RAPGEF2: variants seen among roughly 807,000 people sequenced by gnomAD.
The protein encoded by RAPGEF2 is PDZ domain containing guanine nucleotide exchange factor (GEF) 1.
Under a neutral mutation model 186.7 loss-of-function variants are expected in RAPGEF2, and 54 were observed. That is an observed-to-expected ratio of 0.29 (90% CI 0.23 to 0.36). The LOEUF is 0.36. RAPGEF2 is among the 10% of genes least tolerant of loss of function. The pLI is 1.00. For missense variants in RAPGEF2, 1,532 were observed against 2,045.0 expected, an observed-to-expected ratio of 0.75 and a Z score of 4.84; for synonymous variants, 712 against 705.9, an observed-to-expected ratio of 1.01 and a Z score of -0.14.
At chr4:159,147,372 C>T (rs539648196) in intron 1 of RAPGEF2, among the ~76,000 whole-genome samples, 2 of 145,630 alleles carry the variant, frequency 1.4e-5, no homozygotes, top group East Asian at 4.0e-4. Flanking sequence ...ACAAAAATAC[C>T]TTTTTTTTTT....
At chr4:159,217,199 G>T (rs1751070168) in intron 4 of RAPGEF2, among the ~76,000 whole-genome samples, 1 of 151,982 alleles carries the variant, frequency 6.6e-6, no homozygotes, top group Non-Finnish European at 1.5e-5. Flanking sequence ...AGATTTAGGG[G>T]GTACACGTGC....
chr4:159,114,119 ATTT>A (rs772011656), intron 1 of RAPGEF2, among the ~76,000 whole-genome samples: 1 of 136,884 alleles, frequency 7.3e-6, no homozygotes, highest in Admixed American at 7.3e-5. Context: ...TACCTGGCTA[ATTT>A]TTTTTTTTTT....
rs186818536 is a variant in RAPGEF2 at position 159,114,388 on chromosome 4, C to T, written c.69+10157C>T. On this transcript the variant is annotated intron_variant, in intron 1 of 29. Coordinates refer to ENST00000691494, the MANE Select transcript of RAPGEF2 (RefSeq NM_001394067.2). ...AAGTGCTGGGATTACAGGCGTGAGC[C>T]ACTGCGCCCGGCCCTAATTTTTGCA... Among the ~76,000 whole-genome samples the T allele has an allele frequency of 1.1e-4, 17 of 152,206 alleles. 1 individual carries two copies. Among genetic ancestry groups the T allele is most frequent in the Admixed American group, 1.1e-3 (17 of 15,288 alleles).
At chr4:159,335,586 G>A (rs960527012) in intron 17 of RAPGEF2, among the ~76,000 whole-genome samples, 6 of 152,040 alleles carry the variant, frequency 3.9e-5, no homozygotes, top group African/African-American at 1.4e-4. Flanking sequence ...GGTGGCTCAC[G>A]CTTGTAATCC....
intron 7 of RAPGEF2, among the ~76,000 whole-genome samples, chr4:159,284,534 A>G (rs930803759): frequency 1.4e-5 from 2 of 139,876 alleles, no homozygotes. Context: ...ACACACACAC[A>G]CGAATTGTAA....
intron 6 of RAPGEF2, 123 bp from the exon 7 acceptor site, chr4:159,243,651 A>T (rs1029013313): frequency 3.3e-6 from 2 of 602,328 alleles, no homozygotes; most frequent in African/African-American, 1.9e-5. Context: ...AGCTGATTCT[A>T]TATGATCATT....
intron 5 of RAPGEF2, among the ~76,000 whole-genome samples, chr4:159,240,728 C>G (rs537417348): frequency 6.6e-6 from 1 of 151,058 alleles, no homozygotes; most frequent in Admixed American, 6.6e-5. Flanking sequence ...GAAACCCTTG[C>G]GTAACCTACC....
intron 7 of RAPGEF2, among the ~76,000 whole-genome samples, chr4:159,292,624 A>T: frequency 6.6e-6 from 1 of 152,074 alleles, no homozygotes; most frequent in Non-Finnish European, 1.5e-5. Flanking sequence ...CTATTTTTTT[A>T]AAAGACTATA....
At chr4:159,345,073 A>G (rs1237042292) in intron 23 of RAPGEF2, 33 bp from the exon 24 acceptor site, 1 of 1,546,054 alleles carries the variant, frequency 6.5e-7, no homozygotes, top group Non-Finnish European at 8.9e-7. Flanking sequence ...CCCATGCTAG[A>G]GTGAGCTGCA....
At chr4:159,278,646 G>T (rs1759254064) in intron 7 of RAPGEF2, among the ~76,000 whole-genome samples, 1 of 152,142 alleles carries the variant, frequency 6.6e-6, no homozygotes. Context: ...AAAGAGAAGG[G>T]ATTAGTAAGA....
chr4:159,241,438 A>C, intron 6 of RAPGEF2, 70 bp downstream of exon 6: 1 of 1,033,856 alleles, frequency 9.7e-7, no homozygotes, highest in Non-Finnish European at 1.2e-6. Context: ...AAAGATGTTT[A>C]AGTTTTCCAT....
At chr4:159,348,359 C>G (rs1478441266) in intron 25 of RAPGEF2, among the ~76,000 whole-genome samples, 1 of 151,970 alleles carries the variant, frequency 6.6e-6, no homozygotes, top group Admixed American at 6.6e-5. Flanking sequence ...TAACTAAGTC[C>G]CTGCACAGTT....
intron 1 of RAPGEF2, among the ~76,000 whole-genome samples, chr4:159,113,440 C>A (rs2111069697): frequency 6.6e-6 from 1 of 152,056 alleles, no homozygotes; most frequent in Admixed American, 6.6e-5. Context: ...CAAATTATTA[C>A]TTTTTAAGAC....
intron 1 of RAPGEF2, among the ~76,000 whole-genome samples, chr4:159,131,252 A>T (rs1014043389): frequency 6.6e-6 from 1 of 152,146 alleles, no homozygotes; most frequent in Admixed American, 6.5e-5. Context: ...CTGGGATTAC[A>T]GGCATATGCC....
At chr4:159,278,765 A>G (rs1257822547) in intron 7 of RAPGEF2, among the ~76,000 whole-genome samples, 1 of 152,216 alleles carries the variant, frequency 6.6e-6, no homozygotes, top group Non-Finnish European at 1.5e-5. Flanking sequence ...TTAACATGGA[A>G]TCTTCATTTG....
At chr4:159,229,297 G>A (rs1162276141) in intron 4 of RAPGEF2, 1 of 152,152 alleles carries the variant, frequency 6.6e-6, no homozygotes, top group African/African-American at 2.4e-5. Context: ...GGGTAGTTCT[G>A]ACGTACAAGA....
intron 4 of RAPGEF2, among the ~76,000 whole-genome samples, chr4:159,214,921 G>A (rs773343959): frequency 4.6e-5 from 7 of 152,148 alleles, no homozygotes; most frequent in Non-Finnish European, 1.5e-5. Context: ...GGAGTGTAGT[G>A]GCACAATCTC....
chr4:159,237,779 G>T (rs920291356), intron 4 of RAPGEF2, among the ~76,000 whole-genome samples: 15 of 140,666 alleles, frequency 1.1e-4, no homozygotes, highest in African/African-American at 3.7e-4. Flanking sequence ...AGGGAAGATT[G>T]ATTGTGGCCC....
chr4:159,132,632 CT>C (rs1390909238), intron 1 of RAPGEF2, among the ~76,000 whole-genome samples: 2 of 152,106 alleles, frequency 1.3e-5, no homozygotes, highest in African/African-American at 4.8e-5. Flanking sequence ...TAAATTATAG[CT>C]TTTTCTTCCA....
Sources: gnomAD v4.1 joint callset for allele counts (sites outside exome capture counted in the v4.1 genomes callset) on GRCh38, gnomAD v4.1.1 for gene constraint, MANE v1.5 for transcripts, NCBI Gene and HGNC (gene_info 2026-07-23, HGNC 2026-07-21) for gene names.